PDGFD: variants seen among roughly 807,000 people sequenced by gnomAD.
PDGFD encodes platelet-derived growth factor D.
Under a neutral mutation model 44.7 loss-of-function variants are expected in PDGFD, and 30 were observed. The observed-to-expected ratio is 0.67, with a 90% CI of 0.50 to 0.91. The LOEUF (loss-of-function observed/expected upper bound fraction) is 0.91, where lower values mean the gene tolerates loss of function less well. Ranked by LOEUF, PDGFD falls within the 40% of genes least tolerant of loss-of-function variation. The pLI is 0.00. For synonymous variants in PDGFD, 173 were observed against 168.4 expected (o/e 1.03, Z -0.21); for missense variants, 445 against 457.8 (o/e 0.97, Z 0.25).
At chr11:104,007,345 C>A (rs575944715) in intron 1 of PDGFD, among the ~76,000 whole-genome samples, 1 of 152,200 alleles carries the variant, frequency 6.6e-6, no homozygotes, top group South Asian at 2.1e-4. Flanking sequence ...AAGAAGTCAC[C>A]CCTGGCCCCA....
At chr11:103,945,171 T>TA (rs1858650866) in intron 4 of PDGFD, among the ~76,000 whole-genome samples, 1 of 152,148 alleles carries the variant, frequency 6.6e-6, no homozygotes. Flanking sequence ...CAAGCCATGT[T>TA]AAAGATGTCC....
intron 5 of PDGFD, among the ~76,000 whole-genome samples, chr11:103,936,027 A>C (rs771857328): frequency 3.3e-5 from 5 of 152,192 alleles, no homozygotes; most frequent in Non-Finnish European, 7.3e-5. Context: ...AACAATTTTA[A>C]TATTGATAAA....
At chr11:103,970,514 T>C (rs963176231) in intron 3 of PDGFD, among the ~76,000 whole-genome samples, 1 of 152,074 alleles carries the variant, frequency 6.6e-6, no homozygotes. Flanking sequence ...GAAATCAGAT[T>C]ACCAAATCAT....
intron 1 of PDGFD, among the ~76,000 whole-genome samples, chr11:104,100,800 C>G (rs189433204): frequency 1.7e-4 from 26 of 152,190 alleles, no homozygotes; most frequent in African/African-American, 5.8e-4. Context: ...TTCAACATAA[C>G]GCAAATCAAT....
chr11:104,037,540 C>A (rs1355603865), intron 1 of PDGFD: 1 of 1,614,018 alleles, frequency 6.2e-7, no homozygotes. Context: ...GAGTTTTGGA[C>A]AAGTGACGAT....
intron 1 of PDGFD, among the ~76,000 whole-genome samples, chr11:104,035,774 C>G (rs1860221806): frequency 6.6e-6 from 1 of 152,078 alleles, no homozygotes; most frequent in African/African-American, 2.4e-5. Context: ...TAAATTCCTG[C>G]TTTTGTAACA....
intron 1 of PDGFD, among the ~76,000 whole-genome samples, chr11:104,063,863 A>G (rs1186072698): frequency 6.6e-6 from 1 of 152,172 alleles, no homozygotes; most frequent in Non-Finnish European, 1.5e-5. Context: ...ACAATTTGAG[A>G]TGAGATTTGG....
chr11:104,131,588 C>A (rs896777878), intron 1 of PDGFD, among the ~76,000 whole-genome samples: 4 of 151,934 alleles, frequency 2.6e-5, no homozygotes, highest in Admixed American at 1.3e-4. Context: ...AAAACGTATT[C>A]ATTAAAAGAA....
At chr11:103,945,907 G>T (rs1485281446) in intron 4 of PDGFD, 1 of 152,170 alleles carries the variant, frequency 6.6e-6, no homozygotes, top group Non-Finnish European at 1.5e-5. Context: ...TTGATTTAGG[G>T]CAGTTGACAG....
chr11:103,913,533 C>T (rs1858065679), intron 6 of PDGFD, among the ~76,000 whole-genome samples: 1 of 152,116 alleles, frequency 6.6e-6, no homozygotes, highest in Non-Finnish European at 1.5e-5. Flanking sequence ...GCACTAGATG[C>T]CTACAAGAGA....
intron 1 of PDGFD, among the ~76,000 whole-genome samples, chr11:104,086,072 A>G (rs1032356724): frequency 1.3e-5 from 2 of 152,146 alleles, no homozygotes; most frequent in African/African-American, 4.8e-5. Flanking sequence ...TCTGACTTCT[A>G]TGTGTGTAAT....
chr11:104,069,598 T>A lies in PDGFD; in HGVS notation c.125-69343A>T, dbSNP rs1415240098. ...GATGCTGGCCGGGCACAGTGGTTCATGCCTGTAATCCCAGCACTTTGGGAG... is the reference window on the plus strand; with the variant it reads ...GATGCTGGCCGGGCACAGTGGTTCAAGCCTGTAATCCCAGCACTTTGGGAG... On this transcript the variant is annotated intron_variant, in intron 1 of 6. Coordinates refer to ENST00000393158, the MANE Select transcript of PDGFD (RefSeq NM_025208.5). Among the ~76,000 whole-genome samples, 5 of 152,218 alleles carry A rather than the reference T, an allele frequency of 3.3e-5. No individual in the cohort carries two copies. In the East Asian group the frequency reaches 5.8e-4, roughly 18 times the overall value.
intron 1 of PDGFD, among the ~76,000 whole-genome samples, chr11:104,001,970 G>T (rs1318999367): frequency 8.5e-5 from 13 of 152,182 alleles, no homozygotes; most frequent in Non-Finnish European, 1.8e-4. Context: ...TTAATGTGTT[G>T]CAGCTTGTTC....
chr11:104,070,354 C>A (rs1860856241), intron 1 of PDGFD, among the ~76,000 whole-genome samples: 1 of 152,280 alleles, frequency 6.6e-6, no homozygotes, highest in African/African-American at 2.4e-5. Context: ...ACAAATCCAA[C>A]AGCACAGGGT....
At chr11:104,162,366 C>T (rs1283701729) in intron 1 of PDGFD, among the ~76,000 whole-genome samples, 1 of 151,998 alleles carries the variant, frequency 6.6e-6, no homozygotes, top group Non-Finnish European at 1.5e-5. Flanking sequence ...CAACTAATAA[C>T]AAACCTACAA....
intron 1 of PDGFD, among the ~76,000 whole-genome samples, chr11:104,158,808 C>T (rs1237884580): frequency 6.6e-6 from 1 of 151,482 alleles, no homozygotes; most frequent in Non-Finnish European, 1.5e-5. Flanking sequence ...CTTCAGCCTT[C>T]ATTGAATACA....
intron 1 of PDGFD, among the ~76,000 whole-genome samples, chr11:104,015,136 T>TA (rs903008418): frequency 3.8e-4 from 58 of 152,300 alleles, no homozygotes; most frequent in Non-Finnish European, 6.6e-4. Context: ...ATGTGCTACT[T>TA]AAAAAAATTA....
chr11:104,140,842 G>T (rs1267582387), intron 1 of PDGFD, among the ~76,000 whole-genome samples: 4 of 152,146 alleles, frequency 2.6e-5, no homozygotes, highest in African/African-American at 9.7e-5. Context: ...CCAGTCAATT[G>T]TTTATCAATT....
intron 3 of PDGFD, among the ~76,000 whole-genome samples, chr11:103,989,448 T>C (rs1340733646): frequency 6.6e-6 from 1 of 152,232 alleles, no homozygotes; most frequent in African/African-American, 2.4e-5. Flanking sequence ...TTCTGGTACA[T>C]ACATTTGTCC....
Sources: allele counts gnomAD v4.1 joint callset (sites outside exome capture counted in the v4.1 genomes callset), GRCh38; gene constraint gnomAD v4.1.1; transcripts MANE v1.5; gene names NCBI Gene and HGNC (gene_info 2026-07-23, HGNC 2026-07-21).